Variants in ETV6 observed in about 807,000 individuals in gnomAD.
The protein encoded by ETV6 is ETS variant transcription factor 6.
Under a neutral mutation model 51.1 loss-of-function variants are expected in ETV6, and 16 were observed. The ratio of observed to expected loss-of-function variants is 0.31; its 90% CI spans 0.21 to 0.48. The LOEUF is 0.48. Among genes scored for constraint, ETV6 ranks in the 20% least tolerant of loss-of-function variants. ETV6 has a pLI of 0.99. For synonymous variants in ETV6, 240 were observed against 224.1 expected (o/e 1.07, Z -0.64); for missense variants, 458 against 594.8 (o/e 0.77, Z 2.39).
chr12:11,867,957 C>A (rs1328436332), intron 4 of ETV6, among the ~76,000 whole-genome samples: 1 of 152,164 alleles, frequency 6.6e-6, no homozygotes, highest in Non-Finnish European at 1.5e-5. Flanking sequence ...ATTCCCCGAC[C>A]CAGCCCTCAG....
At chr12:11,726,675 T>C (rs1865494790) in intron 1 of ETV6, among the ~76,000 whole-genome samples, 1 of 151,830 alleles carries the variant, frequency 6.6e-6, no homozygotes, top group African/African-American at 2.4e-5. Flanking sequence ...GAGGCTGAGG[T>C]GGGAGGATTG....
Position 11,777,239 on chromosome 12 carries a change from CAAAAA to C in ETV6, c.163+24679_163+24683del, listed in dbSNP as rs5796465. Among the ~76,000 whole-genome samples the C allele has an allele frequency of 3.5e-3, 280 of 78,874 alleles. 3 individuals carry two copies. In the Middle Eastern group the frequency reaches 0.047, roughly 13 times the overall value. The allele number at this position is 78,874 out of a possible 152,430, so 51.7% of individuals were successfully genotyped here. Reference sequence around the variant, plus strand: ...TGGGTGACAGAGTGAGACTCCGTGTCAAAAAAAAAAAAAAAAAAAAAAATCACGTT... The same window carrying C: ...TGGGTGACAGAGTGAGACTCCGTGTCAAAAAAAAAAAAAAAAAATCACGTT... On this transcript the variant is annotated intron_variant, in intron 2 of 7. Coordinates refer to ENST00000396373, the MANE Select transcript of ETV6 (RefSeq NM_001987.5).
chr12:11,665,039 A>G (rs1864169680), intron 1 of ETV6, among the ~76,000 whole-genome samples: 1 of 152,132 alleles, frequency 6.6e-6, no homozygotes, highest in East Asian at 1.9e-4. Context: ...TCTCAGGAGG[A>G]CATGGTCTCG....
intron 1 of ETV6, among the ~76,000 whole-genome samples, chr12:11,732,506 C>T (rs950719131): frequency 1.3e-5 from 2 of 152,222 alleles, no homozygotes; most frequent in Non-Finnish European, 2.9e-5. Flanking sequence ...GTAAGCTCTA[C>T]TCTGGAGAAG....
intron 2 of ETV6, among the ~76,000 whole-genome samples, chr12:11,806,382 AG>A (rs1945830002): frequency 6.6e-6 from 1 of 152,244 alleles, no homozygotes; most frequent in South Asian, 2.1e-4. Context: ...TAGAGGTTAA[AG>A]GATAAGCATT....
Position 11,892,418 on chromosome 12 carries a change from C to A in ETV6, c.*1372C>A. On this transcript the variant is annotated 3_prime_UTR_variant, in exon 8 of 8. Transcript: ENST00000396373. ...TGTCTCAGAAAGGACCCATTTGTGG[C>A]TCTTTTTCACCTCAAAATAAGATCG... The A allele has an allele frequency of 4.3e-6, 1 of 232,710 alleles. No individual in the cohort carries two copies. 14.4% of individuals were successfully genotyped at this position (232,710 alleles called of 1,614,324 possible).
intron 2 of ETV6, among the ~76,000 whole-genome samples, chr12:11,815,128 T>A (rs1945972366): frequency 6.6e-6 from 1 of 152,156 alleles, no homozygotes; most frequent in East Asian, 1.9e-4. Flanking sequence ...TAGGACTTAG[T>A]GATGTTTTAT....
At chr12:11,796,082 AT>A (rs1382028721) in intron 2 of ETV6, among the ~76,000 whole-genome samples, 5 of 152,112 alleles carry the variant, frequency 3.3e-5, no homozygotes, top group African/African-American at 7.2e-5. Context: ...CATTCTTTAG[AT>A]TTTTCCCTTT....
At chr12:11,755,849 A>G (rs1327051225) in intron 2 of ETV6, among the ~76,000 whole-genome samples, 1 of 152,130 alleles carries the variant, frequency 6.6e-6, no homozygotes, top group Non-Finnish European at 1.5e-5. Flanking sequence ...TCAGATTGGT[A>G]TGCCTCAAAG....
At chr12:11,768,910 A>G in intron 2 of ETV6, 1 of 480,912 alleles carries the variant, frequency 2.1e-6, no homozygotes, top group Non-Finnish European at 4.2e-6. Context: ...TTCCTTGGAA[A>G]TACCATTTGT....
chr12:11,715,284 A>G (rs1339757167), intron 1 of ETV6, among the ~76,000 whole-genome samples: 1 of 152,112 alleles, frequency 6.6e-6, no homozygotes, highest in African/African-American at 2.4e-5. Context: ...GATGGACCCT[A>G]GTGATTATTT....
chr12:11,654,567 C>T (rs140052389), intron 1 of ETV6, among the ~76,000 whole-genome samples: 16 of 151,378 alleles, frequency 1.1e-4, no homozygotes, highest in Admixed American at 6.0e-4. Flanking sequence ...TCTGAGGGCA[C>T]GGGGGTATGT....
intron 1 of ETV6, among the ~76,000 whole-genome samples, chr12:11,718,492 G>A (rs1865321290): frequency 6.6e-6 from 1 of 151,944 alleles, no homozygotes; most frequent in African/African-American, 2.4e-5. Context: ...TTGGCTAGGT[G>A]TGGTGGCACA....
intron 2 of ETV6, among the ~76,000 whole-genome samples, chr12:11,820,678 G>A: frequency 6.6e-6 from 1 of 152,110 alleles, no homozygotes; most frequent in Non-Finnish European, 1.5e-5. Context: ...AGGAGGGAAA[G>A]GATGATGGCA....
chr12:11,761,259 A>G (rs1463544261), intron 2 of ETV6, among the ~76,000 whole-genome samples: 2 of 152,188 alleles, frequency 1.3e-5, no homozygotes, highest in African/African-American at 4.8e-5. Flanking sequence ...ATTACTGACA[A>G]GAGGGCCCAG....
chr12:11,888,634 T>G (rs1408381370), intron 7 of ETV6, among the ~76,000 whole-genome samples: 1 of 152,148 alleles, frequency 6.6e-6, no homozygotes, highest in Non-Finnish European at 1.5e-5. Flanking sequence ...AACTCCTGGC[T>G]TCAAGTGATC....
At chr12:11,736,463 T>C (rs1865704573) in intron 1 of ETV6, among the ~76,000 whole-genome samples, 1 of 152,244 alleles carries the variant, frequency 6.6e-6, no homozygotes, top group African/African-American at 2.4e-5. Context: ...TTGATATTGT[T>C]TTTGATCAGG....
chr12:11,846,002 A>AT (rs1946457009), intron 3 of ETV6, among the ~76,000 whole-genome samples: 1 of 151,948 alleles, frequency 6.6e-6, no homozygotes, highest in Admixed American at 6.5e-5. Context: ...AAAAAAAAAA[A>AT]AAAGAAAAAA....
intron 4 of ETV6, among the ~76,000 whole-genome samples, chr12:11,864,109 C>A (rs924892667): frequency 2.0e-5 from 3 of 152,258 alleles, no homozygotes; most frequent in African/African-American, 7.2e-5. Context: ...AGCACTATCA[C>A]CCTCCTGCAT....
Sources: allele counts gnomAD v4.1 joint callset (sites outside exome capture counted in the v4.1 genomes callset), GRCh38; gene constraint gnomAD v4.1.1; transcripts MANE v1.5; gene names NCBI Gene and HGNC (gene_info 2026-07-23, HGNC 2026-07-21).